Variants in PPID observed in about 807,000 individuals in gnomAD.
PPID encodes the protein peptidyl-prolyl cis-trans isomerase D.
A neutral mutation model predicts 48.1 loss-of-function variants in PPID; 47 were observed. The ratio of observed to expected loss-of-function variants is 0.98; its 90% CI spans 0.77 to 1.25. The LOEUF is 1.25. Among genes scored for constraint, PPID ranks in the 50% most tolerant of loss-of-function variants. The probability of loss-of-function intolerance (pLI) is 0.00; values close to 1 mark genes in which losing one functional copy is unlikely to be tolerated. For synonymous variants in PPID, 163 were observed against 148.8 expected, an observed-to-expected ratio of 1.10 and a Z score of -0.69; for missense variants, 429 against 443.5, an observed-to-expected ratio of 0.97 and a Z score of 0.29.
intron 1 of PPID, among the ~76,000 whole-genome samples, 174 bp downstream of exon 1, chr4:158,723,030 G>A (rs1225531765): frequency 6.6e-6 from 1 of 152,198 alleles, no homozygotes; most frequent in Non-Finnish European, 1.5e-5. Flanking sequence ...AAGGGCGCTG[G>A]ATCGATCTAG....
At chr4:158,716,860 C>T in intron 4 of PPID, 152 bp downstream of exon 4, 1 of 739,030 alleles carries the variant, frequency 1.4e-6, no homozygotes, top group South Asian at 1.9e-5. Flanking sequence ...ACTCAGAAGG[C>T]TGAGGCAGGA....
At chr4:158,717,329 CTTT>C in intron 3 of PPID, 129 bp from the exon 4 acceptor site, 1 of 645,144 alleles carries the variant, frequency 1.6e-6, no homozygotes. Context: ...GATCAAACTA[CTTT>C]TTTTTACTTT....
intron 4 of PPID, among the ~76,000 whole-genome samples, chr4:158,716,470 G>A (rs764982569): frequency 2.0e-5 from 3 of 150,226 alleles, no homozygotes; most frequent in Non-Finnish European, 4.4e-5. Flanking sequence ...AAGACTTAAC[G>A]TAAACTAGCA....
chr4:158,713,036 T>C, intron 7 of PPID, 83 bp downstream of exon 7: 7 of 1,404,906 alleles, frequency 5.0e-6, no homozygotes, highest in Non-Finnish European at 5.0e-6. Flanking sequence ...CAATAAGATA[T>C]ATTAATGTAT....
chr4:158,718,670 C>T (rs533972633), intron 3 of PPID, among the ~76,000 whole-genome samples: 1 of 152,304 alleles, frequency 6.6e-6, no homozygotes, highest in East Asian at 1.9e-4. Context: ...TTTGTACTTA[C>T]ATGTCCATTC....
At position 158,710,838 on chromosome 4, in the gene PPID, A is replaced by C. The variant is rs758172917; in HGVS notation, c.905T>G (p.Leu302Arg). The C allele has an allele frequency of 6.8e-6, 11 of 1,611,442 alleles. No homozygotes were observed. The African/African-American group carries it at 8.0e-5, about 12-fold the overall frequency. Residue 302 changes from leucine (L) to arginine (R), a missense_variant, in exon 8 of 10, where the codon CTA becomes CGA. By Grantham distance (102) the Leu-to-Arg change is moderately radical. Transcript: ENST00000307720. ...AIDSCLEALE[L>R]DPSNTKALYR... ...CAATGCTTTGGTATTTGATGGGTCTAGTTCAAGAGCCTACAAAAAAGTATA... is the reference window on the plus strand; with the variant it reads ...CAATGCTTTGGTATTTGATGGGTCTCGTTCAAGAGCCTACAAAAAAGTATA...
At position 158,716,916 on chromosome 4, in the gene PPID, G is replaced by A. The variant is rs146098902; in HGVS notation, c.522+96C>T. The A allele has an allele frequency of 7.9e-4, 994 of 1,264,072 alleles. 3 individuals carry two copies. In the African/African-American group the frequency reaches 9.3e-3, roughly 12 times the overall value. The allele number at this position is 1,264,072 out of a possible 1,614,324, so 78.3% of individuals were successfully genotyped here. A position where few individuals can be genotyped will look rare whatever the true frequency, so the allele number is the denominator to read the frequency against. ...ACAGAGGCTGCAGTGAGCCGAGACC[G>A]CACCACTGCACTCCAGCCTGGAACA... On this transcript the variant is annotated intron_variant, in intron 4 of 9. Coordinates refer to ENST00000307720, the MANE Select transcript of PPID (RefSeq NM_005038.3).
chr4:158,722,477 C>T (rs1016059880), intron 1 of PPID, among the ~76,000 whole-genome samples: 1 of 152,254 alleles, frequency 6.6e-6, no homozygotes, highest in Non-Finnish European at 1.5e-5. Context: ...TTGCAACAAA[C>T]TGAATGTACG....
chr4:158,717,062 C>G lies in PPID; in HGVS notation c.472G>C (p.Val158Leu). The change falls in exon 4 of 10, where the codon GTG becomes CTG. Residue 158 changes from valine (V) to leucine (L), a missense_variant. Coordinates refer to ENST00000307720, the MANE Select transcript of PPID (RefSeq NM_005038.3). Reference sequence around the variant, plus strand: ...TCCACATTTTCCAATATCCTTGCCACTCCTATTCCTTTAATTACTTGGCCA... The same window carrying G: ...TCCACATTTTCCAATATCCTTGCCAGTCCTATTCCTTTAATTACTTGGCCA... Reference protein sequence around the residue: ...VFGQVIKGIGVARILENVEVK... With the variant: ...VFGQVIKGIGLARILENVEVK... 2 of 1,614,142 alleles carry G rather than the reference C, an allele frequency of 1.2e-6. No individual in the cohort carries two copies. The highest frequency in any genetic ancestry group is 4.5e-5 in the East Asian group (2 of 44,886).
intron 6 of PPID, among the ~76,000 whole-genome samples, chr4:158,714,818 G>A (rs1290160840): frequency 3.3e-5 from 5 of 152,146 alleles, no homozygotes; most frequent in Admixed American, 6.5e-5. Flanking sequence ...TCGAACTCCC[G>A]ACCTCAGGTG....
In PPID at chr4:158,721,387, G is replaced by A. The variant is rs761231161; in HGVS notation, c.182C>T (p.Thr61Met). The A allele has an allele frequency of 5.3e-5, 85 of 1,613,956 alleles. No homozygotes were observed. Among genetic ancestry groups the A allele is most frequent in the Middle Eastern group, 3.3e-4 (2 of 6,084 alleles). Residue 61 changes from threonine (T) to methionine (M), a missense_variant, in exon 2 of 10, where the codon ACG becomes ATG. By Grantham distance (81) the Thr-to-Met change is moderately conservative (BLOSUM62 -1). Transcript: ENST00000307720. ...LCTGEKGIGH[T>M]TGKPLHFKGC... Reference sequence around the variant, plus strand: ...TTTGAAATGGAGAGGTTTCCCAGTCGTGTGTCCAATGCCTTTTTCTCCTGT... The same window carrying A: ...TTTGAAATGGAGAGGTTTCCCAGTCATGTGTCCAATGCCTTTTTCTCCTGT...
At chr4:158,719,138 C>T in intron 3 of PPID, 42 bp downstream of exon 3, 3 of 1,326,126 alleles carry the variant, frequency 2.3e-6, no homozygotes, top group South Asian at 1.2e-5. Context: ...AGATATATAA[C>T]AATCTTTTTA....
intron 3 of PPID, among the ~76,000 whole-genome samples, chr4:158,718,516 G>A (rs888069325): frequency 2.0e-5 from 3 of 152,126 alleles, no homozygotes; most frequent in African/African-American, 7.2e-5. Context: ...TAAATTCCTT[G>A]TCATCAAGGC....
In PPID at chr4:158,721,591, C is replaced by A. The variant is rs1774961201; in HGVS notation, c.86-108G>T. On this transcript the variant is annotated intron_variant, in intron 1 of 9. Coordinates refer to ENST00000307720, the MANE Select transcript of PPID (RefSeq NM_005038.3). ...CAGATCAATCATGAATTACCAAGTT[C>A]CCCTTTACTGTAATTTTTCTTTTTT... 5 of 1,294,016 alleles carry A rather than the reference C, an allele frequency of 3.9e-6. No individual in the cohort carries two copies. The South Asian group carries it at 7.4e-5, about 19-fold the overall frequency. 80.2% of individuals were successfully genotyped at this position (1,294,016 alleles called of 1,614,324 possible).
In PPID at chr4:158,715,593, A is replaced by G; in HGVS notation, c.614T>C (p.Phe205Ser). 1.2e-6 allele frequency: 2 copies of G among 1,614,016 alleles called. No homozygotes were observed. The highest frequency in any genetic ancestry group is 1.1e-5 in the South Asian group (1 of 91,076). ...TAAATCTATATCCGCATCCTCAGGG[A>G]AATCTGGATGACTGTCGCCAGAGCC... is the stretch of plus-strand genomic sequence containing the variant. The part of the protein sequence containing the change: ...KDGSGDSHPD[F>S]PEDADIDLKD... Residue 205 changes from phenylalanine to serine, a missense_variant, in exon 5 of 10, where the codon TTC becomes TCC. Physicochemically the swap from Phe to Ser is radical, Grantham distance 155 (BLOSUM62 -2). Coordinates refer to ENST00000307720, the MANE Select transcript of PPID (RefSeq NM_005038.3).
At chr4:158,710,986 T>C in intron 7 of PPID, 138 bp from the exon 8 acceptor site, 1 of 746,660 alleles carries the variant, frequency 1.3e-6, no homozygotes, top group Admixed American at 2.8e-5. Flanking sequence ...ATAGCTCTCC[T>C]CTGCCAGTGG....
chr4:158,719,313 T>C (rs1774918947), intron 2 of PPID, 27 bp from the exon 3 acceptor site: 1 of 1,431,298 alleles, frequency 7.0e-7, no homozygotes, highest in African/African-American at 1.4e-5. Context: ...TGGCTATTAG[T>C]GACTGAGACA....
At chr4:158,715,084 G>T (rs1229612878) in intron 6 of PPID, among the ~76,000 whole-genome samples, 1 of 152,062 alleles carries the variant, frequency 6.6e-6, no homozygotes, top group East Asian at 1.9e-4. Context: ...GTGAATGTAA[G>T]TAAAACTTAT....
At chr4:158,711,070 T>C (rs972018306) in intron 7 of PPID, among the ~76,000 whole-genome samples, 1 of 152,142 alleles carries the variant, frequency 6.6e-6, no homozygotes, top group Admixed American at 6.5e-5. Context: ...TCCAATATGC[T>C]CCCCACTGTG....
Sources: gnomAD v4.1 joint callset for allele counts (sites outside exome capture counted in the v4.1 genomes callset) on GRCh38, gnomAD v4.1.1 for gene constraint, MANE v1.5 for transcripts, NCBI Gene and HGNC (gene_info 2026-07-23, HGNC 2026-07-21) for gene names.